The following TLE5 variants were observed in gnomAD, a reference collection of about 807,000 sequenced individuals.
The protein encoded by TLE5 is TLE family member 5.
In TLE5, 7 loss-of-function variants were observed where a neutral mutation model predicts 25.8. The ratio of observed to expected loss-of-function variants is 0.27; its 90% CI spans 0.15 to 0.51. The LOEUF is 0.51. Ranked by LOEUF, TLE5 falls within the 20% of genes least tolerant of loss-of-function variation. TLE5 has a pLI of 0.97. For synonymous variants in TLE5, 132 were observed against 110.5 expected, an observed-to-expected ratio of 1.20 and a Z score of -1.22; for missense variants, 149 against 250.7, an observed-to-expected ratio of 0.59 and a Z score of 2.74.
At chr19:3,055,556 G>T (rs2090209832) in intron 5 of TLE5, 108 bp downstream of exon 5, 6 of 945,550 alleles carry the variant, frequency 6.3e-6, no homozygotes, top group Non-Finnish European at 7.7e-6. Context: ...GAGAGGGGAG[G>T]CGTGTGCCCT....
At chr19:3,061,586 G>T (rs1331229009) in intron 1 of TLE5, among the ~76,000 whole-genome samples, 2 of 151,882 alleles carry the variant, frequency 1.3e-5, no homozygotes, top group Non-Finnish European at 2.9e-5. Flanking sequence ...ACATCCGAGG[G>T]GGGTAGAAAC....
At chr19:3,054,295 G>A (rs952551730) in intron 5 of TLE5, 101 bp from the exon 6 acceptor site, 1 of 1,127,354 alleles carries the variant, frequency 8.9e-7, no homozygotes, top group East Asian at 2.5e-5. Flanking sequence ...ACTACCAAGT[G>A]GGCCATCATG....
intron 4 of TLE5, chr19:3,056,018 G>T (rs1356043671): frequency 3.8e-6 from 2 of 522,012 alleles, no homozygotes; most frequent in Non-Finnish European, 3.4e-6. Flanking sequence ...CTGGCAGGTA[G>T]TAAGCGCTTG....
At chr19:3,061,888 G>GGA (rs1305336315) in intron 1 of TLE5, among the ~76,000 whole-genome samples, 1 of 25,870 alleles carries the variant, frequency 3.9e-5, no homozygotes, top group East Asian at 5.5e-4. Context: ...CGGCGGGTTG[G>GGA]GGGGGGGGGG....
Position 3,061,355 on chromosome 19 carries a change from C to T in TLE5, c.28-98G>A, listed in dbSNP as rs535169157. The T allele has an allele frequency of 6.8e-6, 6 of 877,854 alleles. No individual in the cohort carries two copies. The East Asian group carries it at 1.3e-4, about 19-fold the overall frequency. The allele number at this position is 877,854 out of a possible 1,614,324, so 54.4% of individuals were successfully genotyped here. The stretch of plus-strand genomic sequence containing the variant: ...GCGGCCGCGCAGCTGCGGCGCCCCC[C>T]CTCCTGCCCCACTTCCTGGGCCCGT... On this transcript the variant is annotated intron_variant, in intron 1 of 6. Transcript: ENST00000327141.
upstream of TLE5, chr19:3,062,749 C>A (rs1174493508): frequency 1.9e-6 from 3 of 1,545,898 alleles, no homozygotes. Flanking sequence ...GAAAAGGGAC[C>A]CGGCTGCCCG....
At chr19:3,060,775 C>T (rs879301054) in intron 2 of TLE5, among the ~76,000 whole-genome samples, 3 of 152,024 alleles carry the variant, frequency 2.0e-5, no homozygotes, top group Non-Finnish European at 4.4e-5. Context: ...ACCCTTTCTC[C>T]AAAACTGGGC....
Position 3,056,327 on chromosome 19 carries a change from G to A in TLE5, c.219C>T (p.Ile73=), listed in dbSNP as rs1401494957. 8 of 1,478,410 alleles carry A rather than the reference G, an allele frequency of 5.4e-6. No homozygotes were observed. The highest frequency in any genetic ancestry group is 1.5e-5 in the African/African-American group (1 of 68,484). 91.6% of individuals were successfully genotyped at this position (1,478,410 alleles called of 1,614,324 possible). ...MYYEMSYGLN[I]EMHKQAEIVK... is the part of the protein sequence containing the mutation. Reference sequence around the variant, plus strand: ...ATGGGCGTACCTGTTTGTGCATCTCGATGTTCAAGCCGTAGGACATCTCGT... The same window carrying A: ...ATGGGCGTACCTGTTTGTGCATCTCAATGTTCAAGCCGTAGGACATCTCGT... Residue 73 remains isoleucine, a synonymous_variant, in exon 4 of 7, where the codon ATC becomes ATT. Coordinates refer to ENST00000327141, the MANE Select transcript of TLE5 (RefSeq NM_001130.6).
At chr19:3,055,626 G>T in intron 5 of TLE5, 38 bp downstream of exon 5, 1 of 1,555,878 alleles carries the variant, frequency 6.4e-7, no homozygotes. Flanking sequence ...CAAGTGCGGG[G>T]CCCCCTCACA....
intron 2 of TLE5, among the ~76,000 whole-genome samples, chr19:3,059,496 T>TG (rs1397776291): frequency 6.6e-6 from 1 of 152,174 alleles, no homozygotes; most frequent in Non-Finnish European, 1.5e-5. Flanking sequence ...CACTCCAGCC[T>TG]GGCGACAGAG....
chr19:3,055,179 C>T (rs62125453), intron 5 of TLE5: 9,174 of 153,098 alleles, frequency 0.06, 390 homozygotes, highest in Non-Finnish European at 0.084. Flanking sequence ...TCCGTGTCTG[C>T]ATCTGTGTAT....
chr19:3,056,705 C>G, intron 3 of TLE5: 1 of 442,954 alleles, frequency 2.3e-6, no homozygotes, highest in Non-Finnish European at 4.4e-6. Flanking sequence ...TATGTCTTGT[C>G]TGCGGGTGGG....
intron 4 of TLE5, 102 bp from the exon 5 acceptor site, chr19:3,055,828 G>A (rs533174590): frequency 1.4e-5 from 18 of 1,318,286 alleles, no homozygotes; most frequent in Admixed American, 7.0e-5. Flanking sequence ...TGCCACTTGC[G>A]GCTTCTAAGA....
intron 3 of TLE5, among the ~76,000 whole-genome samples, chr19:3,057,042 G>T (rs930227633): frequency 2.0e-5 from 3 of 152,218 alleles, no homozygotes; most frequent in Non-Finnish European, 4.4e-5. Flanking sequence ...TTCTGGCTGG[G>T]AGGGTCAGGG....
intron 3 of TLE5, chr19:3,056,629 G>A: frequency 1.5e-6 from 1 of 647,880 alleles, no homozygotes; most frequent in Non-Finnish European, 2.8e-6. Context: ...CCCTGGCCTG[G>A]CTCCTCCCCC....
upstream of TLE5, chr19:3,062,507 G>A (rs891259169): frequency 7.9e-6 from 5 of 631,860 alleles, no homozygotes; most frequent in Non-Finnish European, 9.8e-6. Context: ...GCCGCGGCTC[G>A]GCTGCTGCGG....
intron 3 of TLE5, chr19:3,056,654 G>A (rs954612201): frequency 1.5e-5 from 9 of 607,516 alleles, no homozygotes; most frequent in Admixed American, 2.2e-5. Context: ...CATGTGCACC[G>A]CGAGAACACG....
intron 1 of TLE5, among the ~76,000 whole-genome samples, chr19:3,061,635 G>T (rs1275434588): frequency 1.3e-5 from 2 of 151,672 alleles, no homozygotes; most frequent in Admixed American, 1.3e-4. Context: ...GGGGGGCAGC[G>T]ATTCCTCCCT....
chr19:3,053,799 C>CAA lies in TLE5; in HGVS notation c.*19_*20insTT. 6.2e-7 allele frequency: 1 copy of CAA among 1,610,022 alleles called. No homozygotes were observed. The highest frequency in any genetic ancestry group is 8.5e-7 in the Non-Finnish European group (1 of 1,177,934). On this transcript the variant is annotated 3_prime_UTR_variant, in exon 7 of 7. Transcript: ENST00000327141. ...TCTCCCCTCTGTCCCCCCTCCCAACCTCCCTGTCCCGGCCCCCTGCTAATC... is the reference window on the plus strand; with the variant it reads ...TCTCCCCTCTGTCCCCCCTCCCAACCAATCCCTGTCCCGGCCCCCTGCTAATC...
Sources: allele counts gnomAD v4.1 joint callset (sites outside exome capture counted in the v4.1 genomes callset), GRCh38; gene constraint gnomAD v4.1.1; transcripts MANE v1.5; gene names NCBI Gene and HGNC (gene_info 2026-07-23, HGNC 2026-07-21).